Variants in SLCO5A1 observed in about 807,000 individuals in gnomAD.
The protein encoded by SLCO5A1 is solute carrier organic anion transporter family member 5A1, also known as organic anion transporter polypeptide-related protein 4.
Under a neutral mutation model 65.1 loss-of-function variants are expected in SLCO5A1, and 39 were observed. That is an observed-to-expected ratio of 0.60 (90% CI 0.46 to 0.78). The LOEUF (loss-of-function observed/expected upper bound fraction) is 0.78, where lower values mean the gene tolerates loss of function less well. Among genes scored for constraint, SLCO5A1 ranks in the 30% least tolerant of loss-of-function variants. SLCO5A1 has a pLI of 0.00. For synonymous variants in SLCO5A1, 438 were observed against 415.7 expected (o/e 1.05, Z -0.65); for missense variants, 1,029 against 1,069.4 (o/e 0.96, Z 0.53).
At chr8:69,814,652 G>A (rs1820332398) in intron 2 of SLCO5A1, among the ~76,000 whole-genome samples, 1 of 152,168 alleles carries the variant, frequency 6.6e-6, no homozygotes, top group African/African-American at 2.4e-5. Context: ...TCCCACTGCA[G>A]GGTGTTTGCC....
chr8:69,675,113 C>T (rs1169601943), intron 9 of SLCO5A1, among the ~76,000 whole-genome samples: 1 of 151,568 alleles, frequency 6.6e-6, no homozygotes, highest in East Asian at 1.9e-4. Flanking sequence ...TAACAAATCT[C>T]CTTATTTCTA....
chr8:69,770,625 A>G (rs911391948), intron 2 of SLCO5A1, among the ~76,000 whole-genome samples: 1 of 152,194 alleles, frequency 6.6e-6, no homozygotes, highest in East Asian at 1.9e-4. Flanking sequence ...CCCTTCCAAA[A>G]AGGCCACCTT....
chr8:69,772,541 A>AGGAG (rs1818364477), intron 2 of SLCO5A1, among the ~76,000 whole-genome samples: 1 of 146,990 alleles, frequency 6.8e-6, no homozygotes, highest in Non-Finnish European at 1.5e-5. Context: ...AAGAAAAAAA[A>AGGAG]GGAGGGAAGG....
intron 5 of SLCO5A1, among the ~76,000 whole-genome samples, chr8:69,716,759 C>G (rs1815559045): frequency 1.3e-5 from 2 of 150,192 alleles, no homozygotes; most frequent in South Asian, 4.2e-4. Context: ...ATATTTTCTC[C>G]CATTCTGCAA....
chr8:69,786,617 A>C (rs1284816416), intron 2 of SLCO5A1, among the ~76,000 whole-genome samples: 1 of 152,186 alleles, frequency 6.6e-6, no homozygotes, highest in Non-Finnish European at 1.5e-5. Context: ...CTCCCCAAGA[A>C]AGTGATCTTT....
intron 2 of SLCO5A1, among the ~76,000 whole-genome samples, chr8:69,766,508 T>TG (rs1818063961): frequency 1.3e-5 from 2 of 152,092 alleles, no homozygotes; most frequent in African/African-American, 4.8e-5. Flanking sequence ...CATGTGTGTG[T>TG]TTGTGTGTGT....
chr8:69,717,303 T>C (rs1181092188), intron 5 of SLCO5A1, among the ~76,000 whole-genome samples: 10 of 152,204 alleles, frequency 6.6e-5, no homozygotes. Context: ...TCCAACTTCA[T>C]TCTTTTGCAT....
chr8:69,673,767 T>A (rs1813434166), intron 9 of SLCO5A1, among the ~76,000 whole-genome samples: 1 of 152,184 alleles, frequency 6.6e-6, no homozygotes, highest in Non-Finnish European at 1.5e-5. Context: ...ATACGCTTAG[T>A]TCTTGTGGGT....
intron 6 of SLCO5A1, among the ~76,000 whole-genome samples, chr8:69,683,771 C>T (rs1813889005): frequency 6.6e-6 from 1 of 152,082 alleles, no homozygotes; most frequent in South Asian, 2.1e-4. Flanking sequence ...CCATGTTGGC[C>T]AGGCTGGTCT....
chr8:69,678,008 T>TTTG (rs1813618938), intron 8 of SLCO5A1, among the ~76,000 whole-genome samples: 2 of 152,186 alleles, frequency 1.3e-5, no homozygotes, highest in Admixed American at 1.3e-4. Context: ...CGCTGCCCAG[T>TTTG]TCCTTTGTCC....
intron 2 of SLCO5A1, among the ~76,000 whole-genome samples, chr8:69,784,890 GAAAGGAAGA>G (rs1818969419): frequency 1.6e-5 from 1 of 61,636 alleles, no homozygotes; most frequent in African/African-American, 7.5e-5. Flanking sequence ...AAAGAAAGAA[GAAAGGAAGA>G]AAGAAAGAAA....
intron 2 of SLCO5A1, among the ~76,000 whole-genome samples, chr8:69,821,917 A>C (rs1245118410): frequency 2.6e-5 from 4 of 152,168 alleles, no homozygotes; most frequent in African/African-American, 9.6e-5. Context: ...AACTGTGGAC[A>C]GGAGCTAGAG....
Position 69,781,953 on chromosome 8 carries a change from G to A in SLCO5A1, c.908-20078C>T, listed in dbSNP as rs184824210. ...ATTACAGGCATGAGCCACTGCGCCC[G>A]GCCTATTATCCTAACTTAAAGAATT... On this transcript the variant is annotated intron_variant, in intron 2 of 9. Transcript: ENST00000260126. Among the ~76,000 whole-genome samples, 410 of 152,118 alleles carry A rather than the reference G, an allele frequency of 2.7e-3. 2 individuals carry two copies. Among genetic ancestry groups the A allele is most frequent in the African/African-American group, 7.5e-3 (310 of 41,526 alleles).
At chr8:69,727,463 A>G (rs1586731829) in intron 5 of SLCO5A1, among the ~76,000 whole-genome samples, 1 of 152,210 alleles carries the variant, frequency 6.6e-6, no homozygotes, top group South Asian at 2.1e-4. Flanking sequence ...AATCTGTATA[A>G]TATGGACCTA....
At chr8:69,748,257 T>C (rs1817128287) in intron 4 of SLCO5A1, among the ~76,000 whole-genome samples, 2 of 152,230 alleles carry the variant, frequency 1.3e-5, no homozygotes, top group South Asian at 4.1e-4. Flanking sequence ...TAGTGGCTCC[T>C]GGCCACAGTA....
intron 5 of SLCO5A1, among the ~76,000 whole-genome samples, chr8:69,710,990 G>A (rs1236262399): frequency 1.4e-5 from 2 of 145,024 alleles, no homozygotes; most frequent in African/African-American, 5.2e-5. Context: ...GATGGGGTCG[G>A]ACAGTTCAGA....
At chr8:69,779,040 T>A (rs1818694585) in intron 2 of SLCO5A1, among the ~76,000 whole-genome samples, 1 of 152,196 alleles carries the variant, frequency 6.6e-6, no homozygotes, top group Non-Finnish European at 1.5e-5. Context: ...TATGGCTACT[T>A]ACACCAAAAT....
chr8:69,706,713 G>A (rs984395075), intron 5 of SLCO5A1, among the ~76,000 whole-genome samples: 1 of 152,174 alleles, frequency 6.6e-6, no homozygotes, highest in Non-Finnish European at 1.5e-5. Flanking sequence ...ATAAATTTCT[G>A]TTGTTTATAA....
chr8:69,701,456 T>G (rs989812031), intron 6 of SLCO5A1, among the ~76,000 whole-genome samples: 1 of 152,182 alleles, frequency 6.6e-6, no homozygotes, highest in African/African-American at 2.4e-5. Flanking sequence ...ACTTGAAATC[T>G]GATAAGAAAC....
Sources: gnomAD v4.1 joint callset for allele counts (sites outside exome capture counted in the v4.1 genomes callset) on GRCh38, gnomAD v4.1.1 for gene constraint, MANE v1.5 for transcripts, NCBI Gene and HGNC (gene_info 2026-07-23, HGNC 2026-07-21) for gene names.